Variants in GPM6A observed in about 807,000 individuals in gnomAD.
GPM6A encodes the protein glycoprotein M6A.
Under a neutral mutation model 32.1 loss-of-function variants are expected in GPM6A, and 7 were observed. The observed-to-expected ratio is 0.22, with a 90% CI of 0.12 to 0.41. GPM6A has a LOEUF of 0.41. Among genes scored for constraint, GPM6A ranks in the 10% least tolerant of loss-of-function variants. GPM6A has a pLI of 1.00. For missense variants in GPM6A, 235 were observed against 347.2 expected (o/e 0.68, Z 2.57); for synonymous variants, 130 against 123.4 (o/e 1.05, Z -0.35).
chr4:175,988,211 T>C (rs1376651834), intron 1 of GPM6A, among the ~76,000 whole-genome samples: 1 of 152,200 alleles, frequency 6.6e-6, no homozygotes, highest in Non-Finnish European at 1.5e-5. Flanking sequence ...CACTTCTCTT[T>C]GTTATTGCTG....
At chr4:175,638,264 G>A (rs1457008849) in intron 6 of GPM6A, among the ~76,000 whole-genome samples, 1 of 151,632 alleles carries the variant, frequency 6.6e-6, no homozygotes, top group East Asian at 1.9e-4. Flanking sequence ...GGTACTAGCA[G>A]CATTAGTACC....
chr4:175,837,729 C>T (rs1735811172), intron 1 of GPM6A, among the ~76,000 whole-genome samples: 2 of 152,150 alleles, frequency 1.3e-5, no homozygotes, highest in Admixed American at 1.3e-4. Context: ...AACCAATGAT[C>T]CCTCTTCTCT....
At chr4:175,673,591 ATACTT>A (rs1302267915) in intron 3 of GPM6A, 84 bp downstream of exon 3, 18 of 903,600 alleles carry the variant, frequency 2.0e-5, no homozygotes, top group East Asian at 1.3e-4. Flanking sequence ...TGAAAAAAAA[ATACTT>A]TAATTCTTGG....
At chr4:175,658,122 A>G (rs980271410) in intron 3 of GPM6A, among the ~76,000 whole-genome samples, 10 of 152,304 alleles carry the variant, frequency 6.6e-5, no homozygotes, top group Non-Finnish European at 1.3e-4. Context: ...TGTTACGCTT[A>G]TAACAACTTT....
chr4:175,727,001 A>C (rs1318173265), intron 1 of GPM6A, among the ~76,000 whole-genome samples: 1 of 152,202 alleles, frequency 6.6e-6, no homozygotes, highest in Non-Finnish European at 1.5e-5. Flanking sequence ...GTCTCAATAC[A>C]TAAATAAATA....
intron 1 of GPM6A, among the ~76,000 whole-genome samples, chr4:175,739,821 G>A (rs2111163529): frequency 6.6e-6 from 1 of 151,968 alleles, no homozygotes; most frequent in African/African-American, 2.4e-5. Flanking sequence ...TGCTAATTCA[G>A]CTTTATCTAT....
chr4:175,855,822 G>A (rs1000830301), intron 1 of GPM6A, among the ~76,000 whole-genome samples: 2 of 152,172 alleles, frequency 1.3e-5, no homozygotes, highest in Non-Finnish European at 2.9e-5. Flanking sequence ...TTGTAAATAT[G>A]TACATATTAT....
chr4:175,682,719 C>A (rs887895735), intron 2 of GPM6A, among the ~76,000 whole-genome samples: 1 of 152,260 alleles, frequency 6.6e-6, no homozygotes, highest in East Asian at 1.9e-4. Flanking sequence ...TCAGAGGGTG[C>A]AAGCCATAAG....
chr4:175,849,672 A>G (rs1030957310), intron 1 of GPM6A, among the ~76,000 whole-genome samples: 1 of 152,226 alleles, frequency 6.6e-6, no homozygotes, highest in Non-Finnish European at 1.5e-5. Flanking sequence ...TGCCAATCTT[A>G]TAACTTTTAT....
chr4:175,714,508 C>T (rs764659130), intron 1 of GPM6A, among the ~76,000 whole-genome samples: 25 of 152,038 alleles, frequency 1.6e-4, no homozygotes, highest in Non-Finnish European at 2.9e-4. Context: ...CTCAGCCTCC[C>T]AAAGTGTTGG....
intron 1 of GPM6A, among the ~76,000 whole-genome samples, chr4:175,894,480 C>T (rs991635189): frequency 6.6e-5 from 10 of 152,106 alleles, no homozygotes; most frequent in Non-Finnish European, 1.3e-4. Context: ...ATAGCTGCTC[C>T]ATTCTGCCCA....
At position 175,640,847 on chromosome 4, in the gene GPM6A, T is replaced by C; in HGVS notation, c.542-18A>G. On this transcript the variant is annotated intron_variant, in intron 4 of 6. Coordinates refer to ENST00000393658, the MANE Select transcript of GPM6A (RefSeq NM_201591.3). Reference sequence around the variant, plus strand: ...CACAATTCCTACAATGTGTGGGAAATGACAGTTTAGCAGTATAAATGTTTT... The same window carrying C: ...CACAATTCCTACAATGTGTGGGAAACGACAGTTTAGCAGTATAAATGTTTT... The C allele has an allele frequency of 6.6e-7, 1 of 1,514,782 alleles. No homozygotes were observed. Among genetic ancestry groups the C allele is most frequent in the Non-Finnish European group, 9.2e-7 (1 of 1,090,436 alleles). 93.8% of individuals were successfully genotyped at this position (1,514,782 alleles called of 1,614,324 possible). A position where few individuals can be genotyped will look rare whatever the true frequency, so the allele number is the denominator to read the frequency against.
intron 1 of GPM6A, among the ~76,000 whole-genome samples, chr4:175,871,202 C>T (rs1736895574): frequency 6.6e-6 from 1 of 152,108 alleles, no homozygotes; most frequent in Non-Finnish European, 1.5e-5. Context: ...GGCGCAGTGG[C>T]TCAGGCCTGT....
At chr4:175,996,799 TAAC>T in intron 1 of GPM6A, among the ~76,000 whole-genome samples, 1 of 152,288 alleles carries the variant, frequency 6.6e-6, no homozygotes, top group East Asian at 1.9e-4. Context: ...GAAGCACACT[TAAC>T]AAGACAGCTC....
intron 2 of GPM6A, among the ~76,000 whole-genome samples, chr4:175,674,914 A>G (rs1255009575): frequency 6.6e-6 from 1 of 152,078 alleles, no homozygotes; most frequent in Non-Finnish European, 1.5e-5. Flanking sequence ...TTTTAAAAGA[A>G]AAAAACACCA....
At chr4:175,931,269 C>T (rs771663638) in intron 1 of GPM6A, among the ~76,000 whole-genome samples, 1 of 152,038 alleles carries the variant, frequency 6.6e-6, no homozygotes, top group African/African-American at 2.4e-5. Flanking sequence ...ATTAGATAAA[C>T]CCTACTAAAG....
At chr4:175,693,088 A>C (rs1222460576) in intron 2 of GPM6A, among the ~76,000 whole-genome samples, 1 of 151,928 alleles carries the variant, frequency 6.6e-6, no homozygotes, top group Admixed American at 6.6e-5. Context: ...TGTGGATGGC[A>C]CTTTTCTCAC....
At chr4:175,700,207 T>C (rs1335003085) in intron 2 of GPM6A, among the ~76,000 whole-genome samples, 1 of 151,998 alleles carries the variant, frequency 6.6e-6, no homozygotes, top group Non-Finnish European at 1.5e-5. Flanking sequence ...TTAGTAACTT[T>C]AATAAATAAA....
intron 1 of GPM6A, among the ~76,000 whole-genome samples, chr4:175,749,955 T>C (rs529754663): frequency 1.7e-4 from 26 of 152,212 alleles, no homozygotes; most frequent in Non-Finnish European, 3.7e-4. Context: ...ACTTGGCCTA[T>C]GTGCAATGTT....
Sources: allele counts gnomAD v4.1 joint callset (sites outside exome capture counted in the v4.1 genomes callset), GRCh38; gene constraint gnomAD v4.1.1; transcripts MANE v1.5; gene names NCBI Gene and HGNC (gene_info 2026-07-23, HGNC 2026-07-21).